R3HDM2: variants seen among roughly 807,000 people sequenced by gnomAD.
R3HDM2 encodes the protein R3H domain-containing protein 2.
Under a neutral mutation model 124.5 loss-of-function variants are expected in R3HDM2, and 38 were observed. That is an observed-to-expected ratio of 0.31 (90% confidence interval 0.24 to 0.40). The LOEUF (loss-of-function observed/expected upper bound fraction) is 0.40, where lower values mean the gene tolerates loss of function less well. R3HDM2 is among the 10% of genes least tolerant of loss of function. The pLI is 1.00. For missense variants in R3HDM2, 869 were observed against 1,236.9 expected, an observed-to-expected ratio of 0.70 and a Z score of 4.46; for synonymous variants, 391 against 448.0, an observed-to-expected ratio of 0.87 and a Z score of 1.61.
chr12:57,307,798 G>T (rs980902566), intron 3 of R3HDM2, among the ~76,000 whole-genome samples: 1 of 151,812 alleles, frequency 6.6e-6, no homozygotes, highest in Non-Finnish European at 1.5e-5. Flanking sequence ...CTCAGAAGCA[G>T]AATTTTTAGT....
rs1289311476 is a variant in R3HDM2 at position 57,268,400 on chromosome 12, G to A, written c.1933C>T (p.Leu645=). ...TGCACAGACTGGCTCACAGGGACCAGCATGGGTTGCTGGAAAGGCGGCTGG... is the reference window on the plus strand; with the variant it reads ...TGCACAGACTGGCTCACAGGGACCAACATGGGTTGCTGGAAAGGCGGCTGG... ...VVQPPFQQPM[L]VPVSQSVQGG... Residue 645 remains leucine (L), a synonymous_variant, in exon 18 of 24, where the codon CTG becomes TTG. Transcript: ENST00000402412. 3 of 1,614,006 alleles carry A rather than the reference G, an allele frequency of 1.9e-6. No individual in the cohort carries two copies. Among genetic ancestry groups the A allele is most frequent in the Admixed American group, 1.7e-5 (1 of 59,990 alleles).
At chr12:57,323,080 G>T (rs564582119) in intron 2 of R3HDM2, among the ~76,000 whole-genome samples, 1 of 152,144 alleles carries the variant, frequency 6.6e-6, no homozygotes, top group South Asian at 2.1e-4. Context: ...AAAAAATAAA[G>T]ATATCAACAC....
rs143334404 is a variant in R3HDM2 at position 57,386,440 on chromosome 12, G to C, written c.-36+9309C>G. 2.8e-4 allele frequency among the ~76,000 whole-genome samples: 42 copies of C among 152,380 alleles called. 2 individuals are homozygous for C. In the East Asian group the frequency reaches 7.9e-3, roughly 29 times the overall value. On this transcript the variant is annotated intron_variant, in intron 2 of 23. Coordinates refer to ENST00000402412, the MANE Select transcript of R3HDM2 (RefSeq NM_001394031.1). ...CGGCCCCGCCCACCAGGGCAGTGAG[G>C]GGCTTAGCACCTGGGCAAGCAGCTG...
At chr12:57,255,174 C>A (rs2038567264) in intron 23 of R3HDM2, 61 bp from the exon 24 acceptor site, 5 of 1,365,440 alleles carry the variant, frequency 3.7e-6, no homozygotes, top group East Asian at 2.3e-5. Context: ...GACTTGACAG[C>A]AGCCCAGCAG....
At chr12:57,284,145 A>G (rs1202045798) in intron 12 of R3HDM2, 89 bp from the exon 13 acceptor site, 2 of 1,197,870 alleles carry the variant, frequency 1.7e-6, no homozygotes, top group Non-Finnish European at 2.4e-6. Context: ...TCTCAATAAC[A>G]AAGAATGGGT....
intron 2 of R3HDM2, among the ~76,000 whole-genome samples, chr12:57,338,047 T>TA (rs1184133147): frequency 1.3e-5 from 2 of 152,244 alleles, no homozygotes; most frequent in African/African-American, 4.8e-5. Flanking sequence ...CTCACGCCTG[T>TA]AATCTCAGCT....
At chr12:57,429,024 G>C (rs575719580) in intron 1 of R3HDM2, among the ~76,000 whole-genome samples, 2 of 152,156 alleles carry the variant, frequency 1.3e-5, no homozygotes, top group South Asian at 4.1e-4. Context: ...TGCGATTACA[G>C]CATGAGCCAC....
At chr12:57,270,111 GA>G in intron 14 of R3HDM2, 117 bp from the exon 15 acceptor site, 5 of 1,250,432 alleles carry the variant, frequency 4.0e-6, no homozygotes, top group Non-Finnish European at 5.7e-6. Flanking sequence ...AACAATGGGG[GA>G]TAGTCCTACC....
intron 3 of R3HDM2, among the ~76,000 whole-genome samples, chr12:57,304,864 A>G (rs1026658972): frequency 2.0e-5 from 3 of 152,216 alleles, no homozygotes; most frequent in African/African-American, 7.2e-5. Flanking sequence ...AGCTTAGTGT[A>G]TGTGTATACA....
intron 2 of R3HDM2, among the ~76,000 whole-genome samples, chr12:57,355,609 T>C (rs1363482120): frequency 6.6e-6 from 1 of 152,204 alleles, no homozygotes; most frequent in Non-Finnish European, 1.5e-5. Flanking sequence ...TTATAATAAG[T>C]CTTGAAATCA....
intron 10 of R3HDM2, among the ~76,000 whole-genome samples, chr12:57,294,500 T>G (rs2049307704): frequency 6.6e-6 from 1 of 152,076 alleles, no homozygotes; most frequent in African/African-American, 2.4e-5. Flanking sequence ...CCTCAAATAC[T>G]CAAGCAGCAA....
chr12:57,421,914 T>C (rs1167303380), intron 1 of R3HDM2, among the ~76,000 whole-genome samples: 1 of 151,940 alleles, frequency 6.6e-6, no homozygotes, highest in Admixed American at 6.6e-5. Flanking sequence ...CTGACCAACA[T>C]GGTGAAACCC....
intron 2 of R3HDM2, among the ~76,000 whole-genome samples, chr12:57,344,817 T>G (rs79395356): frequency 0.19 from 28,421 of 151,896 alleles, 3,130 homozygotes; most frequent in Admixed American, 0.28. Context: ...AAACTTCTCC[T>G]GTTTTTTTGT....
At chr12:57,412,536 T>C (rs940753693) in intron 1 of R3HDM2, among the ~76,000 whole-genome samples, 4 of 152,112 alleles carry the variant, frequency 2.6e-5, no homozygotes, top group Admixed American at 2.0e-4. Flanking sequence ...AGTGAGATTC[T>C]GTCTCAAAGA....
chr12:57,284,170 G>C, intron 12 of R3HDM2, 114 bp from the exon 13 acceptor site: 1 of 971,800 alleles, frequency 1.0e-6, no homozygotes, highest in Non-Finnish European at 1.5e-6. Flanking sequence ...ATTAAAGGGA[G>C]GATGGACACT....
intron 2 of R3HDM2, among the ~76,000 whole-genome samples, chr12:57,384,888 C>G (rs1365404003): frequency 6.6e-6 from 1 of 152,086 alleles, no homozygotes; most frequent in African/African-American, 2.4e-5. Flanking sequence ...GTCGCTCACA[C>G]GTGTAATGCC....
intron 2 of R3HDM2, among the ~76,000 whole-genome samples, chr12:57,358,922 TTTC>T (rs1181556772): frequency 1.4e-5 from 2 of 144,050 alleles, no homozygotes; most frequent in Non-Finnish European, 1.6e-5. Context: ...GCTAAATTTT[TTTC>T]TTTTTTTTTT....
At chr12:57,298,761 A>G (rs1455327705) in intron 6 of R3HDM2, among the ~76,000 whole-genome samples, 2 of 151,988 alleles carry the variant, frequency 1.3e-5, no homozygotes, top group African/African-American at 4.8e-5. Context: ...TAGAAGTTCA[A>G]GACCAGCCTG....
intron 14 of R3HDM2, chr12:57,272,513 G>A (rs760169405): frequency 2.6e-6 from 4 of 1,544,324 alleles, no homozygotes; most frequent in Non-Finnish European, 3.5e-6. Flanking sequence ...AGCTTGGAGA[G>A]AACTGAACAG....
Sources: allele counts gnomAD v4.1 joint callset (sites outside exome capture counted in the v4.1 genomes callset), GRCh38; gene constraint gnomAD v4.1.1; transcripts MANE v1.5; gene names NCBI Gene and HGNC (gene_info 2026-07-23, HGNC 2026-07-21).